Variants in PDE10A observed in about 807,000 individuals in gnomAD.
The protein encoded by PDE10A is cAMP and cAMP-inhibited cGMP 3',5'-cyclic phosphodiesterase 10A.
In PDE10A, 39 loss-of-function variants were observed where a neutral mutation model predicts 97.7. The ratio of observed to expected loss-of-function variants is 0.40; its 90% CI spans 0.31 to 0.52. PDE10A has a LOEUF of 0.52. Ranked by LOEUF, PDE10A falls within the 20% of genes least tolerant of loss-of-function variation. The pLI is 0.56. For missense variants in PDE10A, 731 were observed against 1,047.8 expected (o/e 0.70, Z 4.17); for synonymous variants, 371 against 376.8 (o/e 0.98, Z 0.18).
intron 7 of PDE10A, among the ~76,000 whole-genome samples, chr6:165,432,723 G>A (rs1426731093): frequency 6.6e-6 from 1 of 152,092 alleles, no homozygotes; most frequent in East Asian, 1.9e-4. Context: ...TCAGAGTACA[G>A]CATACCTTTT....
chr6:165,814,537 C>T (rs1356596944), intron 1 of PDE10A, among the ~76,000 whole-genome samples: 3 of 152,194 alleles, frequency 2.0e-5, no homozygotes, highest in Non-Finnish European at 2.9e-5. Context: ...CCATTTCCCC[C>T]ATGACTTCAT....
At chr6:165,530,612 C>CA (rs542273863) in intron 2 of PDE10A, among the ~76,000 whole-genome samples, 2 of 21,046 alleles carry the variant, frequency 9.5e-5, no homozygotes, top group South Asian at 4.9e-3. Context: ...CACATGTACC[C>CA]CCCCCACGAA....
intron 3 of PDE10A, among the ~76,000 whole-genome samples, chr6:165,474,074 T>TACAGTC (rs779107181): frequency 1.6e-4 from 25 of 152,228 alleles, no homozygotes; most frequent in Non-Finnish European, 3.7e-4. Context: ...AGTCACAGGA[T>TACAGTC]ACAGTTGATT....
At chr6:165,889,743 T>G (rs1239525132) in intron 1 of PDE10A, among the ~76,000 whole-genome samples, 1 of 152,032 alleles carries the variant, frequency 6.6e-6, no homozygotes, top group Non-Finnish European at 1.5e-5. Context: ...CCCTCTAGAC[T>G]AACACGGCAC....
chr6:165,560,851 GGT>G (rs1379250176), intron 1 of PDE10A, among the ~76,000 whole-genome samples: 4 of 152,070 alleles, frequency 2.6e-5, no homozygotes, highest in African/African-American at 4.8e-5. Flanking sequence ...ATTATGGGGT[GGT>G]GTCTAATCGT....
chr6:165,695,280 G>A (rs1371086056), intron 1 of PDE10A, among the ~76,000 whole-genome samples: 1 of 151,704 alleles, frequency 6.6e-6, no homozygotes, highest in Non-Finnish European at 1.5e-5. Flanking sequence ...AATGGTAGAA[G>A]GAGCAAACAG....
chr6:165,379,081 T>A (rs1318747396), intron 18 of PDE10A, 113 bp downstream of exon 18: 4 of 714,354 alleles, frequency 5.6e-6, no homozygotes, highest in Non-Finnish European at 9.0e-6. Flanking sequence ...AACATGTAAA[T>A]TTTTTACATT....
intron 1 of PDE10A, among the ~76,000 whole-genome samples, chr6:165,902,241 C>T (rs1224120212): frequency 6.6e-6 from 1 of 152,228 alleles, no homozygotes; most frequent in East Asian, 1.9e-4. Context: ...CTCCTCTGGC[C>T]ACAGCCCTTG....
chr6:165,419,278 T>C (rs1352162994), intron 10 of PDE10A, among the ~76,000 whole-genome samples: 1 of 152,244 alleles, frequency 6.6e-6, no homozygotes, highest in African/African-American at 2.4e-5. Context: ...GATACATGGC[T>C]TTCATATTTG....
intron 3 of PDE10A, among the ~76,000 whole-genome samples, chr6:165,459,755 C>T (rs1353698363): frequency 6.6e-6 from 1 of 152,048 alleles, no homozygotes; most frequent in South Asian, 2.1e-4. Context: ...CGGAGGTAAT[C>T]TGCATAAAGC....
chr6:165,513,000 G>T (rs569510962), intron 2 of PDE10A, among the ~76,000 whole-genome samples: 1 of 151,946 alleles, frequency 6.6e-6, no homozygotes, highest in South Asian at 2.1e-4. Context: ...TTAAAAAAAT[G>T]GGTTGTCTTA....
At chr6:165,599,062 T>C (rs763436996) in intron 1 of PDE10A, among the ~76,000 whole-genome samples, 2 of 152,232 alleles carry the variant, frequency 1.3e-5, no homozygotes, top group East Asian at 1.9e-4. Flanking sequence ...CATTCTCATA[T>C]ATTCTAATCT....
At chr6:165,872,543 C>G (rs898331352) in intron 1 of PDE10A, among the ~76,000 whole-genome samples, 14 of 152,176 alleles carry the variant, frequency 9.2e-5, no homozygotes, top group Non-Finnish European at 1.8e-4. Context: ...GGTGAGCTCC[C>G]TCCTGACCGA....
At chr6:165,353,113 T>C (rs1583095351) in intron 18 of PDE10A, among the ~76,000 whole-genome samples, 1 of 152,200 alleles carries the variant, frequency 6.6e-6, no homozygotes, top group East Asian at 1.9e-4. Flanking sequence ...TATGTCATCA[T>C]AAATATGCAG....
At chr6:165,398,445 A>C (rs1420260097) in intron 13 of PDE10A, among the ~76,000 whole-genome samples, 1 of 150,710 alleles carries the variant, frequency 6.6e-6, no homozygotes, top group Non-Finnish European at 1.5e-5. Flanking sequence ...CAAAGATTGC[A>C]CTACTACACT....
intron 1 of PDE10A, among the ~76,000 whole-genome samples, chr6:165,958,593 GAA>G: frequency 7.2e-6 from 1 of 139,084 alleles, no homozygotes; most frequent in South Asian, 2.3e-4. Context: ...CAGAAAGAGA[GAA>G]AGAAAGAGAG....
intron 1 of PDE10A, among the ~76,000 whole-genome samples, chr6:165,710,161 T>C (rs750998397): frequency 1.3e-5 from 2 of 152,166 alleles, no homozygotes; most frequent in Non-Finnish European, 2.9e-5. Context: ...ATGCCACTTA[T>C]GCTCTAAGCC....
chr6:165,430,391 T>C, intron 8 of PDE10A, 46 bp from the exon 9 acceptor site: 1 of 1,272,658 alleles, frequency 7.9e-7, no homozygotes, highest in Non-Finnish European at 1.1e-6. Context: ...TTTCTGCTTA[T>C]TTCAAAATAA....
intron 13 of PDE10A, among the ~76,000 whole-genome samples, chr6:165,400,821 T>C (rs910878602): frequency 6.6e-6 from 1 of 152,108 alleles, no homozygotes; most frequent in African/African-American, 2.4e-5. Context: ...CAAAAATCTA[T>C]CAACAAGTAA....
Sources: allele counts gnomAD v4.1 joint callset (sites outside exome capture counted in the v4.1 genomes callset), GRCh38; gene constraint gnomAD v4.1.1; transcripts MANE v1.5; gene names NCBI Gene and HGNC (gene_info 2026-07-23, HGNC 2026-07-21).